Variants in ZPLD1 observed in about 807,000 individuals in gnomAD.
ZPLD1 encodes the protein zona pellucida-like domain-containing protein 1.
Under a neutral mutation model 47.2 loss-of-function variants are expected in ZPLD1, and 34 were observed. The observed-to-expected ratio is 0.72, with a 90% CI of 0.55 to 0.96. ZPLD1 has a LOEUF of 0.96. Ranked by LOEUF, ZPLD1 falls within the 40% of genes least tolerant of loss-of-function variation. ZPLD1 has a pLI of 0.00. For synonymous variants in ZPLD1, 176 were observed against 186.2 expected (o/e 0.95, Z 0.45); for missense variants, 512 against 505.8 (o/e 1.01, Z -0.12).
At chr3:102,388,117 C>T (rs1440247581) in intron 6 of ZPLD1, among the ~76,000 whole-genome samples, 4 of 152,140 alleles carry the variant, frequency 2.6e-5, no homozygotes, top group African/African-American at 9.7e-5. Context: ...GCCTCGGCCT[C>T]CCAAAGTGCT....
At position 102,435,016 on chromosome 3, in the gene ZPLD1, A is replaced by G; in HGVS notation, c.-261A>G. ...AGGATGATATGTTTTTGAGGAATGT[A>G]AAGGGTGTTAACATAATCCCCCAAT... On this transcript the variant is annotated 5_prime_UTR_variant, in exon 1 of 12. Transcript: ENST00000466937. The G allele has an allele frequency of 7.5e-7, 1 of 1,338,974 alleles. No homozygotes were observed. The allele number at this position is 1,338,974 out of a possible 1,614,324, so 82.9% of individuals were successfully genotyped here.
exon 8 of ZPLD1, chr3:102,418,153 T>C (rs1016947434): frequency 2.6e-5 from 4 of 152,592 alleles, no homozygotes; most frequent in African/African-American, 9.7e-5. Flanking sequence ...CTCAGTCACA[T>C]GCGGCAGAAC....
At chr3:102,436,288 A>T (rs981660315) in intron 1 of ZPLD1, among the ~76,000 whole-genome samples, 18 of 152,130 alleles carry the variant, frequency 1.2e-4, no homozygotes, top group Non-Finnish European at 1.9e-4. Context: ...GTCAATAATA[A>T]TTTTTTTGCT....
intron 3 of ZPLD1, among the ~76,000 whole-genome samples, chr3:102,439,894 T>C (rs186510438): frequency 3.9e-5 from 6 of 152,348 alleles, no homozygotes; most frequent in African/African-American, 1.2e-4. Flanking sequence ...ATATATCTTT[T>C]ATTTCATTTT....
At chr3:102,394,359 AT>A (rs896017214) in intron 7 of ZPLD1, among the ~76,000 whole-genome samples, 7 of 152,180 alleles carry the variant, frequency 4.6e-5, no homozygotes, top group Non-Finnish European at 1.0e-4. Context: ...CAGATAAAAT[AT>A]TTTTGATTGC....
At chr3:102,418,641 A>G (rs114361396) in intron 8 of ZPLD1, among the ~76,000 whole-genome samples, 10 of 152,112 alleles carry the variant, frequency 6.6e-5, no homozygotes, top group African/African-American at 2.4e-4. Context: ...TACAGCTCAC[A>G]GATGCTTCAT....
At chr3:102,445,776 G>C (rs1707247271) in intron 3 of ZPLD1, among the ~76,000 whole-genome samples, 1 of 152,164 alleles carries the variant, frequency 6.6e-6, no homozygotes, top group Admixed American at 6.5e-5. Context: ...CTTGCTTGCT[G>C]TTAATAGTAA....
Position 102,471,894 on chromosome 3 carries a change from T to C in ZPLD1, c.1042+1392T>C, listed in dbSNP as rs527431266. On this transcript the variant is annotated intron_variant, in intron 10 of 11. Coordinates refer to ENST00000466937, the MANE Select transcript of ZPLD1 (RefSeq NM_001329788.2). Reference sequence around the variant, plus strand: ...AATTTCCCCCCAAAAAAGAGAATAATTCTGATTTGGACTATGTGCTAATAA... The same window carrying C: ...AATTTCCCCCCAAAAAAGAGAATAACTCTGATTTGGACTATGTGCTAATAA... Among the ~76,000 whole-genome samples, 19 of 152,334 alleles carry C rather than the reference T, an allele frequency of 1.2e-4. No homozygotes were observed. In the East Asian group the frequency reaches 2.9e-3, roughly 23 times the overall value.
intron 8 of ZPLD1, among the ~76,000 whole-genome samples, chr3:102,424,072 A>G (rs772960277): frequency 6.6e-6 from 1 of 152,178 alleles, no homozygotes. Context: ...ATAGTCATTA[A>G]TTACTGCTCT....
intron 2 of ZPLD1, among the ~76,000 whole-genome samples, chr3:102,437,928 C>T (rs1318951962): frequency 1.3e-5 from 2 of 152,202 alleles, no homozygotes; most frequent in East Asian, 1.9e-4. Context: ...AAATGACACA[C>T]AAACCATTGA....
At chr3:102,452,767 C>A in intron 3 of ZPLD1, 152 bp from the exon 4 acceptor site, 2 of 844,568 alleles carry the variant, frequency 2.4e-6, no homozygotes, top group Non-Finnish European at 3.6e-6. Flanking sequence ...GTCTACTTTA[C>A]TTAATAGCTG....
At chr3:102,448,163 T>C (rs972330523) in intron 3 of ZPLD1, among the ~76,000 whole-genome samples, 12 of 152,212 alleles carry the variant, frequency 7.9e-5, no homozygotes, top group African/African-American at 2.7e-4. Flanking sequence ...TTAGCTTGAT[T>C]AATATCAGGG....
intron 6 of ZPLD1, among the ~76,000 whole-genome samples, chr3:102,459,546 C>G (rs1440717051): frequency 6.6e-6 from 1 of 151,992 alleles, no homozygotes; most frequent in African/African-American, 2.4e-5. Flanking sequence ...AAGGTATAAT[C>G]CTTAAAAGAA....
At position 102,408,551 on chromosome 3, in the gene ZPLD1, T is replaced by C. The variant is rs1177526639; in HGVS notation, c.-156-9509T>C. Among the ~76,000 whole-genome samples the C allele has an allele frequency of 4.0e-5, 6 of 151,706 alleles. No individual in the cohort carries two copies. The East Asian group carries it at 7.8e-4, about 20-fold the overall frequency. ...GGATGATTTCTGCAGAAACTGAGAATGAAAGAAAGAAAAATTATCAGCAGA... is the reference window on the plus strand; with the variant it reads ...GGATGATTTCTGCAGAAACTGAGAACGAAAGAAAGAAAAATTATCAGCAGA... On this transcript the variant is annotated intron_variant, in intron 7 of 17. Transcript: ENST00000491959.
intron 7 of ZPLD1, among the ~76,000 whole-genome samples, chr3:102,396,688 G>C (rs904098843): frequency 1.1e-4 from 16 of 152,212 alleles, no homozygotes; most frequent in African/African-American, 3.9e-4. Flanking sequence ...GGTGGCAGAG[G>C]CAGCATTCAG....
intron 7 of ZPLD1, among the ~76,000 whole-genome samples, chr3:102,393,857 C>T (rs192156989): frequency 8.3e-4 from 127 of 152,162 alleles, no homozygotes; most frequent in African/African-American, 2.9e-3. Flanking sequence ...CTGTCCTTTA[C>T]CTGAGATCTT....
chr3:102,396,166 C>A (rs550570310), intron 7 of ZPLD1, among the ~76,000 whole-genome samples: 2 of 152,106 alleles, frequency 1.3e-5, no homozygotes, highest in Non-Finnish European at 2.9e-5. Flanking sequence ...GATAGTCCAT[C>A]GCAATGCATG....
At chr3:102,460,284 T>C (rs1707486261) in intron 6 of ZPLD1, among the ~76,000 whole-genome samples, 1 of 152,028 alleles carries the variant, frequency 6.6e-6, no homozygotes. Context: ...CATTTTCTGA[T>C]TTGTTATTTG....
At chr3:102,418,497 A>G (rs932396545) in intron 8 of ZPLD1, among the ~76,000 whole-genome samples, 1 of 151,966 alleles carries the variant, frequency 6.6e-6, no homozygotes, top group Non-Finnish European at 1.5e-5. Context: ...TTTTTATTAT[A>G]TTTGGAGAAA....
Sources: gnomAD v4.1 joint callset for allele counts (sites outside exome capture counted in the v4.1 genomes callset) on GRCh38, gnomAD v4.1.1 for gene constraint, MANE v1.5 for transcripts, NCBI Gene and HGNC (gene_info 2026-07-23, HGNC 2026-07-21) for gene names.